The following AMPH variants were observed in gnomAD, a reference collection of about 807,000 sequenced individuals.
AMPH encodes amphiphysin.
A neutral mutation model predicts 99.1 loss-of-function variants in AMPH; 49 were observed. The ratio of observed to expected loss-of-function variants is 0.49; its 90% confidence interval spans 0.39 to 0.63. The LOEUF (loss-of-function observed/expected upper bound fraction) is 0.63, where lower values mean the gene tolerates loss of function less well. AMPH is among the 20% of genes least tolerant of loss of function. The probability of loss-of-function intolerance (pLI) is 0.00; values close to 1 mark genes in which losing one functional copy is unlikely to be tolerated. For missense variants in AMPH, 759 were observed against 863.4 expected, an observed-to-expected ratio of 0.88 and a Z score of 1.52; for synonymous variants, 314 against 317.3, an observed-to-expected ratio of 0.99 and a Z score of 0.11.
chr7:38,429,899 G>A (rs1216015872), intron 13 of AMPH, 34 bp from the exon 14 acceptor site: 10 of 1,588,932 alleles, frequency 6.3e-6, no homozygotes, highest in Admixed American at 3.6e-5. Flanking sequence ...ACAATAAGGC[G>A]AGAGAGAAAA....
intron 20 of AMPH, among the ~76,000 whole-genome samples, chr7:38,386,718 A>G (rs949650562): frequency 2.6e-5 from 4 of 152,240 alleles, no homozygotes; most frequent in Admixed American, 2.0e-4. Context: ...TATACAATAT[A>G]TAAAGTGTAA....
At chr7:38,389,735 G>T in intron 20 of AMPH, 69 bp downstream of exon 20, 5 of 1,162,200 alleles carry the variant, frequency 4.3e-6, no homozygotes, top group Non-Finnish European at 3.9e-6. Context: ...TTTAGGAAGT[G>T]ATTGTGTCCA....
chr7:38,556,184 GA>G (rs1452894418), intron 1 of AMPH, among the ~76,000 whole-genome samples: 1 of 152,050 alleles, frequency 6.6e-6, no homozygotes, highest in Non-Finnish European at 1.5e-5. Context: ...AAAAGAAAAA[GA>G]AAGCTATTCA....
intron 2 of AMPH, among the ~76,000 whole-genome samples, chr7:38,509,032 C>G (rs986445557): frequency 1.3e-5 from 2 of 152,114 alleles, no homozygotes; most frequent in African/African-American, 2.4e-5. Flanking sequence ...AGTTCAGGTG[C>G]TGTTAAATGG....
At chr7:38,389,083 G>T (rs1450257016) in intron 20 of AMPH, among the ~76,000 whole-genome samples, 2 of 152,212 alleles carry the variant, frequency 1.3e-5, no homozygotes, top group Non-Finnish European at 2.9e-5. Flanking sequence ...CAAAGGCAGT[G>T]ATGCTTGAAT....
At chr7:38,571,297 A>AG (rs1792000794) in intron 1 of AMPH, among the ~76,000 whole-genome samples, 1 of 41,558 alleles carries the variant, frequency 2.4e-5, no homozygotes, top group Non-Finnish European at 3.9e-5. Flanking sequence ...ATATTTATAT[A>AG]TGAATATATA....
chr7:38,542,208 C>A (rs578060000), intron 1 of AMPH, among the ~76,000 whole-genome samples: 11 of 152,230 alleles, frequency 7.2e-5, no homozygotes, highest in Middle Eastern at 3.4e-3. Context: ...TTTTCATGAA[C>A]CTGATATCCT....
intron 14 of AMPH, chr7:38,429,582 A>C (rs1175860307): frequency 6.9e-7 from 1 of 1,459,044 alleles, no homozygotes; most frequent in South Asian, 1.2e-5. Flanking sequence ...GTCAGTCTTT[A>C]AAGTATGCAG....
Position 38,426,989 on chromosome 7 carries a change from A to G in AMPH, c.1183-3T>C. 1 of 1,612,406 alleles carries G rather than the reference A, an allele frequency of 6.2e-7. No homozygotes were observed. Among genetic ancestry groups the G allele is most frequent in the Non-Finnish European group, 8.5e-7 (1 of 1,178,618 alleles). Reference sequence around the variant, plus strand: ...CCATTAAATGAACCACCAGAAGCCTAAACAGAAACGAAAATCAGATTGTGT... The same window carrying G: ...CCATTAAATGAACCACCAGAAGCCTGAACAGAAACGAAAATCAGATTGTGT... On this transcript the variant is annotated splice_region_variant and splice_polypyrimidine_tract_variant and intron_variant, in intron 14 of 20. Coordinates refer to ENST00000356264, the MANE Select transcript of AMPH (RefSeq NM_001635.4).
intron 1 of AMPH, among the ~76,000 whole-genome samples, chr7:38,563,290 T>C (rs1372379567): frequency 6.6e-6 from 1 of 152,200 alleles, no homozygotes; most frequent in East Asian, 1.9e-4. Context: ...TTCTTTTTCA[T>C]TTATTTATTT....
chr7:38,487,817 A>T (rs1325255562), intron 5 of AMPH, among the ~76,000 whole-genome samples: 2 of 152,218 alleles, frequency 1.3e-5, no homozygotes, highest in African/African-American at 2.4e-5. Context: ...GAACTTAAAC[A>T]AATTTACAAG....
intron 2 of AMPH, among the ~76,000 whole-genome samples, chr7:38,523,187 CAGAT>C (rs746218658): frequency 6.6e-6 from 1 of 151,422 alleles, no homozygotes; most frequent in Non-Finnish European, 1.5e-5. Context: ...GTCACGGTTT[CAGAT>C]AGATAGATAA....
chr7:38,437,595 C>T (rs1184419620), intron 11 of AMPH, among the ~76,000 whole-genome samples: 1 of 120,252 alleles, frequency 8.3e-6, no homozygotes, highest in Non-Finnish European at 1.7e-5. Flanking sequence ...TCCTGGCTAA[C>T]ATGGTGAAAC....
Position 38,432,077 on chromosome 7 carries a change from C to T in AMPH, c.1158+112G>A, listed in dbSNP as rs532274572. On this transcript the variant is annotated intron_variant, in intron 13 of 20. Transcript: ENST00000356264. ...TAATGATCATTCTAGGGGACTATAT[C>T]ATCATTAAATGTATGTGTCTTCTTT... 1.7e-5 allele frequency: 16 copies of T among 947,824 alleles called. No homozygotes were observed. The South Asian group carries it at 1.8e-4, about 11-fold the overall frequency. The allele number at this position is 947,824 out of a possible 1,614,324, so 58.7% of individuals were successfully genotyped here. A position where few individuals can be genotyped will look rare whatever the true frequency, so the allele number is the denominator to read the frequency against.
At chr7:38,463,224 T>C (rs773885487) in intron 9 of AMPH, 111 bp from the exon 10 acceptor site, 16 of 1,428,446 alleles carry the variant, frequency 1.1e-5, no homozygotes, top group Non-Finnish European at 1.5e-5. Context: ...CTGTCTGTTG[T>C]CCTGCTCTCC....
chr7:38,427,131 A>G, intron 14 of AMPH, 145 bp from the exon 15 acceptor site: 1 of 667,336 alleles, frequency 1.5e-6, no homozygotes, highest in East Asian at 2.8e-5. Flanking sequence ...GAAAGAACTT[A>G]GGAAATGCAA....
chr7:38,401,577 C>T (rs1396222942), intron 17 of AMPH, among the ~76,000 whole-genome samples: 1 of 152,176 alleles, frequency 6.6e-6, no homozygotes, highest in Non-Finnish European at 1.5e-5. Flanking sequence ...GGTAGAATTA[C>T]TGTATTGTGT....
chr7:38,385,002 T>C (rs1784312573), intron 20 of AMPH, 77 bp from the exon 21 acceptor site: 4 of 1,294,898 alleles, frequency 3.1e-6, no homozygotes, highest in Admixed American at 3.5e-5. Flanking sequence ...ATTAATAATG[T>C]GTTACATTAG....
intron 11 of AMPH, among the ~76,000 whole-genome samples, chr7:38,444,605 G>A (rs184125874): frequency 5.3e-4 from 81 of 152,208 alleles, no homozygotes; most frequent in Admixed American, 2.3e-3. Flanking sequence ...GAGGCTAGGA[G>A]AGAAGAAAGG....
Sources: allele counts gnomAD v4.1 joint callset (sites outside exome capture counted in the v4.1 genomes callset), GRCh38; gene constraint gnomAD v4.1.1; transcripts MANE v1.5; gene names NCBI Gene and HGNC (gene_info 2026-07-23, HGNC 2026-07-21).